The following KCNJ10 variants were observed in gnomAD, a reference collection of about 807,000 sequenced individuals.
KCNJ10 encodes ATP-sensitive inward rectifier potassium channel 10.
Under a neutral mutation model 22.2 loss-of-function variants are expected in KCNJ10, and 9 were observed. That is an observed-to-expected ratio of 0.40 (90% CI 0.24 to 0.71). KCNJ10 has a LOEUF of 0.71. Ranked by LOEUF, KCNJ10 falls within the 30% of genes least tolerant of loss-of-function variation. KCNJ10 has a pLI of 0.35. For synonymous variants in KCNJ10, 184 were observed against 187.3 expected, an observed-to-expected ratio of 0.98 and a Z score of 0.15; for missense variants, 337 against 482.7, an observed-to-expected ratio of 0.70 and a Z score of 2.83.
At chr1:160,054,226 G>A (rs889673746) in intron 1 of KCNJ10, among the ~76,000 whole-genome samples, 88 of 152,210 alleles carry the variant, frequency 5.8e-4, no homozygotes, top group African/African-American at 2.0e-3. Flanking sequence ...ACCCCATCCC[G>A]GTATCTGCTG....
intron 1 of KCNJ10, among the ~76,000 whole-genome samples, chr1:160,069,267 C>T (rs969862637): frequency 6.6e-6 from 1 of 152,188 alleles, no homozygotes; most frequent in African/African-American, 2.4e-5. Flanking sequence ...AACACAGGTG[C>T]CCTGGGTTAG....
At chr1:160,067,797 G>C (rs1571277880) in intron 1 of KCNJ10, 1 of 152,334 alleles carries the variant, frequency 6.6e-6, no homozygotes, top group South Asian at 2.1e-4. Flanking sequence ...TTACCAGGAG[G>C]CTCAGGAGTA....
chr1:160,049,521 A>G (rs1051726405), intron 1 of KCNJ10, among the ~76,000 whole-genome samples: 29 of 151,350 alleles, frequency 1.9e-4, no homozygotes, highest in Admixed American at 2.0e-4. Flanking sequence ...TCTGATTCCT[A>G]CAACCTTAAG....
At chr1:160,051,632 C>T (rs1252026887) in intron 1 of KCNJ10, among the ~76,000 whole-genome samples, 2 of 151,876 alleles carry the variant, frequency 1.3e-5, no homozygotes, top group Non-Finnish European at 1.5e-5. Context: ...TAGCAGGAGC[C>T]AGACAGGTAT....
Position 160,041,497 on chromosome 1 carries a change from T to C in KCNJ10, c.1036A>G (p.Thr346Ala), listed in dbSNP as rs759356991. 6.2e-7 allele frequency: 1 copy of C among 1,614,028 alleles called. No individual in the cohort carries two copies. The highest frequency in any genetic ancestry group is 8.5e-7 in the Non-Finnish European group (1 of 1,180,002). ...TTTTCAGGGTCTCCGTAGCGTACAG[T>C]GCTGTCACGGAGGCCACTAGGAGAG... ...VASPSGLRDSTVRYGDPEKLK... is the reference protein window; with the variant it reads ...VASPSGLRDSAVRYGDPEKLK... The change falls in exon 2 of 2, where the codon ACT (threonine) becomes GCT (alanine). Residue 346 changes from threonine (T) to alanine (A), a missense_variant. Thr to Ala is a moderately conservative substitution (Grantham distance 58). Coordinates refer to ENST00000644903, the MANE Select transcript of KCNJ10 (RefSeq NM_002241.5). This position sits in a 1 kb window ranked among gnomAD's most constrained non-coding sequence, Gnocchi z 4.4.
chr1:160,049,848 T>C (rs1298985768), intron 1 of KCNJ10, among the ~76,000 whole-genome samples: 2 of 151,078 alleles, frequency 1.3e-5, no homozygotes, highest in Non-Finnish European at 3.0e-5. Context: ...ACTGACTCCA[T>C]CATCATAGGG....
chr1:160,067,032 T>C (rs893294583), intron 1 of KCNJ10, among the ~76,000 whole-genome samples: 6 of 152,192 alleles, frequency 3.9e-5, no homozygotes, highest in African/African-American at 1.2e-4. Flanking sequence ...ACAATGGCCA[T>C]GTATACCCTT....
At chr1:160,050,262 T>G (rs904092688) in intron 1 of KCNJ10, among the ~76,000 whole-genome samples, 2 of 151,450 alleles carry the variant, frequency 1.3e-5, no homozygotes, top group Admixed American at 6.6e-5. Context: ...TCCTCCTGAG[T>G]ACCTGGGACT....
intron 1 of KCNJ10, among the ~76,000 whole-genome samples, chr1:160,062,049 C>T (rs1243389550): frequency 6.6e-6 from 1 of 151,956 alleles, no homozygotes. Context: ...CTTCTCAGGC[C>T]TCAGAGAACC....
chr1:160,045,008 G>C (rs758797154), intron 1 of KCNJ10, among the ~76,000 whole-genome samples: 15 of 152,150 alleles, frequency 9.9e-5, no homozygotes, highest in Non-Finnish European at 4.4e-5. Context: ...ATGAGACCCT[G>C]TCTCAAAAAC....
intron 1 of KCNJ10, among the ~76,000 whole-genome samples, chr1:160,061,259 A>C (rs1186683): frequency 0.59 from 90,118 of 152,058 alleles, 27,354 homozygotes; most frequent in African/African-American, 0.7. Context: ...CTAGTCCCAG[A>C]CTTGCCACCA....
In KCNJ10 at chr1:160,042,543, C is replaced by T. The variant is rs141081153; in HGVS notation, c.1-11G>A. 25 of 1,612,826 alleles carry T rather than the reference C, an allele frequency of 1.6e-5. No homozygotes were observed. The Admixed American group carries it at 4.0e-4, about 26-fold the overall frequency. ...GGCAACTGACGTCATCTGGAGGGAG[C>T]AAGACAGCATAATGGAGGTTATCGT... is the stretch of plus-strand genomic sequence containing the variant. On this transcript the variant is annotated splice_polypyrimidine_tract_variant and intron_variant, in intron 1 of 1. Transcript: ENST00000644903.
intron 1 of KCNJ10, among the ~76,000 whole-genome samples, chr1:160,051,347 T>C (rs999866458): frequency 1.6e-4 from 25 of 152,310 alleles, no homozygotes; most frequent in African/African-American, 5.1e-4. Context: ...CTATCATGTA[T>C]TGAATGCCTA....
rs887136657 is a variant in KCNJ10, at chr1:160,040,575, C to G, written c.*818G>C. Reference sequence around the variant, plus strand: ...CTTGGGTCCTTCCATTCACAGGACACAGGGAAACAGATCTTCTCTGGGCTG... The same window carrying G: ...CTTGGGTCCTTCCATTCACAGGACAGAGGGAAACAGATCTTCTCTGGGCTG... On this transcript the variant is annotated 3_prime_UTR_variant, in exon 2 of 2. Coordinates refer to ENST00000644903, the MANE Select transcript of KCNJ10 (RefSeq NM_002241.5). The G allele has an allele frequency of 2.5e-6, 1 of 398,540 alleles. No individual in the cohort carries two copies. Among genetic ancestry groups the G allele is most frequent in the African/African-American group, 2.1e-5 (1 of 48,610 alleles). The allele number at this position is 398,540 out of a possible 1,614,324, so 24.7% of individuals were successfully genotyped here. A position where few individuals can be genotyped will look rare whatever the true frequency, so the allele number is the denominator to read the frequency against.
At chr1:160,046,470 C>A (rs1321652) in intron 1 of KCNJ10, among the ~76,000 whole-genome samples, 1,562 of 152,282 alleles carry the variant, frequency 0.01, 15 homozygotes, top group South Asian at 0.064. Flanking sequence ...ATGCTCTCAG[C>A]AGGTGCCACT....
At chr1:160,042,885 C>T (rs902577139) in intron 1 of KCNJ10, among the ~76,000 whole-genome samples, 2 of 148,838 alleles carry the variant, frequency 1.3e-5, no homozygotes, top group African/African-American at 2.5e-5. Context: ...TGCAGTGAGC[C>T]GACATCGCGC....
At chr1:160,063,071 A>G (rs1557974328) in intron 1 of KCNJ10, among the ~76,000 whole-genome samples, 1 of 152,184 alleles carries the variant, frequency 6.6e-6, no homozygotes, top group Non-Finnish European at 1.5e-5. Flanking sequence ...AGCTCTTCCC[A>G]GTATATGTCT....
At chr1:160,050,406 T>G (rs1376431899) in intron 1 of KCNJ10, among the ~76,000 whole-genome samples, 2 of 152,066 alleles carry the variant, frequency 1.3e-5, no homozygotes, top group African/African-American at 4.8e-5. Context: ...ATGCAGAGAT[T>G]ACAAGCATGA....
At chr1:160,052,914 T>G (rs781711005) in intron 1 of KCNJ10, among the ~76,000 whole-genome samples, 4 of 152,216 alleles carry the variant, frequency 2.6e-5, no homozygotes, top group Non-Finnish European at 4.4e-5. Context: ...TGCTCAGATT[T>G]TGAGGGAAAA....
Sources: gnomAD v4.1 joint callset for allele counts (sites outside exome capture counted in the v4.1 genomes callset) on GRCh38, gnomAD v4.1.1 for gene constraint, Gnocchi (gnomAD v3.1) non-coding constraint, MANE v1.5 for transcripts, NCBI Gene and HGNC (gene_info 2026-07-23, HGNC 2026-07-21) for gene names.